CSDE1: variants seen among roughly 807,000 people sequenced by gnomAD.
CSDE1 encodes cold shock domain-containing protein E1.
A neutral mutation model predicts 89.3 loss-of-function variants in CSDE1; 17 were observed. The observed-to-expected ratio is 0.19, with a 90% CI of 0.13 to 0.29. CSDE1 has a LOEUF of 0.29. CSDE1 is among the 10% of genes least tolerant of loss of function. CSDE1 has a pLI of 1.00. For missense variants in CSDE1, 672 were observed against 984.2 expected (o/e 0.68, Z 4.24); for synonymous variants, 322 against 332.8 (o/e 0.97, Z 0.35).
chr1:114,752,238 CAAA>C (rs1169703720), intron 1 of CSDE1, among the ~76,000 whole-genome samples: 1 of 152,046 alleles, frequency 6.6e-6, no homozygotes, highest in Admixed American at 6.6e-5. Context: ...AACCTTGTCT[CAAA>C]AAACAAAACA....
intron 2 of CSDE1, among the ~76,000 whole-genome samples, chr1:114,744,916 G>T (rs1296680446): frequency 6.6e-6 from 1 of 152,096 alleles, no homozygotes; most frequent in Admixed American, 6.5e-5. Flanking sequence ...GCACTCATAT[G>T]TTGAATTACT....
intron 18 of CSDE1, 123 bp downstream of exon 18, chr1:114,719,456 G>T: frequency 1.0e-6 from 1 of 994,352 alleles, no homozygotes; most frequent in Non-Finnish European, 1.4e-6. Flanking sequence ...CTAGAAGTAG[G>T]AAGTATCAAG....
intron 16 of CSDE1, among the ~76,000 whole-genome samples, chr1:114,722,213 C>T (rs1388228932): frequency 6.6e-6 from 1 of 152,012 alleles, no homozygotes; most frequent in African/African-American, 2.4e-5. Context: ...AATACAGGAA[C>T]CAAAAAACTT....
chr1:114,725,048 G>A (rs1263507269), intron 15 of CSDE1, among the ~76,000 whole-genome samples, 173 bp downstream of exon 15: 1 of 152,218 alleles, frequency 6.6e-6, no homozygotes, highest in Non-Finnish European at 1.5e-5. Context: ...GTGGGTATGG[G>A]ATAGGGTCAG....
chr1:114,739,156 C>T (rs1344892526), intron 3 of CSDE1, among the ~76,000 whole-genome samples: 4 of 151,910 alleles, frequency 2.6e-5, no homozygotes, highest in East Asian at 1.9e-4. Flanking sequence ...TTCAGCCTCC[C>T]GAGTAGCTGG....
rs189058114 is a variant in CSDE1 at position 114,718,221 on chromosome 1, G to T, written c.2350-5C>A. The T allele has an allele frequency of 2.4e-3, 3,787 of 1,611,220 alleles. 7 individuals carry two copies. The highest frequency in any genetic ancestry group is 3.8e-3 in the Admixed American group (229 of 59,638). ...CTTTCTTTCTGCACCAAACCCCTGT[G>T]GGGGGGAGAAAAAAAAAACCCTGCA... On this transcript the variant is annotated splice_region_variant and splice_polypyrimidine_tract_variant and intron_variant, in intron 19 of 19. Transcript: ENST00000358528.
Position 114,720,545 on chromosome 1 carries a change from T to C in CSDE1, c.2046A>G (p.Lys682=). 2 of 1,610,968 alleles carry C rather than the reference T, an allele frequency of 1.2e-6. No homozygotes were observed. Among genetic ancestry groups the C allele is most frequent in the Non-Finnish European group, 1.7e-6 (2 of 1,178,106 alleles). Residue 682 remains lysine (K), a synonymous_variant, in exon 17 of 20, where the codon AAA becomes AAG. Coordinates refer to ENST00000358528, the MANE Select transcript of CSDE1 (RefSeq NM_001007553.3). ...PLRRATVECV[K]DQFGFINYEV... ...CAGAGATGCTGGCACTTACCTGATC[T>C]TTCACACATTCCACTGTGGCCCTGC...
chr1:114,726,306 G>T lies in CSDE1; in HGVS notation c.1545C>A (p.Asn515Lys), dbSNP rs1484790234. Residue 515 changes from asparagine to lysine, a missense_variant, in exon 14 of 20, where the codon AAC becomes AAA. Physicochemically the swap from Asn to Lys is moderately conservative, Grantham distance 94. Coordinates refer to ENST00000358528, the MANE Select transcript of CSDE1 (RefSeq NM_001007553.3). ...TCVRLLGRNS[N>K]SKRLLGYVAT... is the part of the protein sequence containing the mutation. ...CCACATAACCCAAGAGCCTCTTGGAGTTAGAATTACGACCTAAAAGTCGCA... is the reference window on the plus strand; with the variant it reads ...CCACATAACCCAAGAGCCTCTTGGATTTAGAATTACGACCTAAAAGTCGCA... The T allele has an allele frequency of 2.5e-6, 4 of 1,613,862 alleles. No homozygotes were observed. In the South Asian group the frequency reaches 4.4e-5, roughly 18 times the overall value.
chr1:114,735,967 T>C (rs1244506329), intron 6 of CSDE1, among the ~76,000 whole-genome samples: 1 of 152,110 alleles, frequency 6.6e-6, no homozygotes, highest in African/African-American at 2.4e-5. Flanking sequence ...ATCACAAACA[T>C]CTCACACTCA....
At position 114,733,545 on chromosome 1, in the gene CSDE1, A is replaced by C. The variant is rs552436397; in HGVS notation, c.837+187T>G. On this transcript the variant is annotated intron_variant, in intron 9 of 19. Transcript: ENST00000358528. ...GTCACAAAAAAAGAAAAAAAAAAAA[A>C]AAAACACCATATTTATGAATATATA... 1.5e-3 allele frequency among the ~76,000 whole-genome samples: 230 copies of C among 152,008 alleles called. 2 individuals carry two copies. Among genetic ancestry groups the C allele is most frequent in the African/African-American group, 4.8e-4 (20 of 41,480 alleles).
intron 1 of CSDE1, among the ~76,000 whole-genome samples, chr1:114,755,634 C>T (rs1008358052): frequency 1.3e-5 from 2 of 152,210 alleles, no homozygotes; most frequent in Non-Finnish European, 2.9e-5. Flanking sequence ...GTCACTCTCA[C>T]CATAGTAGTT....
Position 114,734,133 on chromosome 1 carries a change from A to T in CSDE1, c.583-16T>A, listed in dbSNP as rs1287812009. The T allele has an allele frequency of 1.2e-6, 2 of 1,601,574 alleles. No homozygotes were observed. The highest frequency in any genetic ancestry group is 1.3e-5 in the African/African-American group (1 of 74,326). ...CAAATGCCTCCTGAAGCAAAATAAA[A>T]AACCAAGAACATTATTACCACTCTG... is the stretch of plus-strand genomic sequence containing the variant. On this transcript the variant is annotated splice_polypyrimidine_tract_variant and intron_variant, in intron 7 of 19. Transcript: ENST00000358528.
At chr1:114,749,284 C>A (rs1054320306) in intron 2 of CSDE1, among the ~76,000 whole-genome samples, 67 of 90,630 alleles carry the variant, frequency 7.4e-4, no homozygotes, top group African/African-American at 3.5e-3. Context: ...TCATTAAGTC[C>A]ATTAGTATCT....
intron 3 of CSDE1, 127 bp from the exon 4 acceptor site, chr1:114,738,199 A>G: frequency 1.4e-6 from 1 of 703,924 alleles, no homozygotes; most frequent in Admixed American, 2.2e-5. Context: ...TGGTCCCTGG[A>G]CCAGCAGCAT....
intron 9 of CSDE1, among the ~76,000 whole-genome samples, chr1:114,733,034 T>C (rs1660189889): frequency 6.6e-6 from 1 of 152,164 alleles, no homozygotes; most frequent in Non-Finnish European, 1.5e-5. Context: ...CCCAGCACTC[T>C]GGTACCAAAA....
At chr1:114,734,986 G>A (rs534840192) in intron 6 of CSDE1, among the ~76,000 whole-genome samples, 28 of 152,260 alleles carry the variant, frequency 1.8e-4, no homozygotes, top group East Asian at 7.7e-4. Context: ...AATAGGAGAT[G>A]GTCTCTATTT....
At chr1:114,737,675 T>C (rs1660478774) in intron 4 of CSDE1, 112 bp from the exon 5 acceptor site, 2 of 800,302 alleles carry the variant, frequency 2.5e-6, no homozygotes, top group Admixed American at 5.2e-5. Flanking sequence ...TGCATTTTAA[T>C]ATGATCCACA....
Position 114,730,417 on chromosome 1 carries a change from C to T in CSDE1, c.1197G>A (p.Met399Ile). The change falls in exon 12 of 20, where the codon ATG becomes ATA. Residue 399 changes from methionine (M) to isoleucine (I), a missense_variant. By Grantham distance (10) the Met-to-Ile change is conservative. Around this residue, in one of 8 missense-constraint regions of CSDE1, gnomAD observed 169 missense variants for 262.9 expected, o/e 0.64. Coordinates refer to ENST00000358528, the MANE Select transcript of CSDE1 (RefSeq NM_001007553.3). ...DEVEFTVVPD[M>I]LSAQRNHAIR... ...TAGCATGATTTCTTTGAGCAGAGAG[C>T]ATATCCTAAAAATGATAAAACAAAA... The T allele has an allele frequency of 6.2e-7, 1 of 1,612,710 alleles. No individual in the cohort carries two copies. Among genetic ancestry groups the T allele is most frequent in the South Asian group, 1.1e-5 (1 of 90,630 alleles).
intron 2 of CSDE1, among the ~76,000 whole-genome samples, chr1:114,749,059 C>T (rs190352074): frequency 2.0e-5 from 3 of 152,294 alleles, no homozygotes; most frequent in Admixed American, 6.5e-5. Context: ...TGTGCTTTCA[C>T]GTAGCCCTGA....
Sources: gnomAD v4.1 joint callset for allele counts (sites outside exome capture counted in the v4.1 genomes callset) on GRCh38, gnomAD v4.1.1 for gene constraint, gnomAD v4.1.1 regional missense constraint, MANE v1.5 for transcripts, NCBI Gene and HGNC (gene_info 2026-07-23, HGNC 2026-07-21) for gene names.